Variants in CRTC3 observed in about 807,000 individuals in gnomAD.
CRTC3 encodes CREB-regulated transcription coactivator 3.
Under a neutral mutation model 74.5 loss-of-function variants are expected in CRTC3, and 26 were observed. The ratio of observed to expected loss-of-function variants is 0.35; its 90% CI spans 0.26 to 0.48. CRTC3 has a LOEUF of 0.48. Among genes scored for constraint, CRTC3 ranks in the 20% least tolerant of loss-of-function variants. The pLI is 0.99. For missense variants in CRTC3, 760 were observed against 787.3 expected (o/e 0.97, Z 0.41); for synonymous variants, 377 against 325.8 (o/e 1.16, Z -1.69).
chr15:90,556,987 T>TATATATATATATATATAC (rs1966904879), intron 2 of CRTC3, among the ~76,000 whole-genome samples: 1 of 144,410 alleles, frequency 6.9e-6, no homozygotes, highest in Non-Finnish European at 1.5e-5. Context: ...TATATATATA[T>TATATATATATATATATAC]ATATATATAT....
At chr15:90,639,669 T>G (rs2151098346) in intron 13 of CRTC3, among the ~76,000 whole-genome samples, 1 of 151,098 alleles carries the variant, frequency 6.6e-6, no homozygotes, top group East Asian at 2.0e-4. Context: ...AGGCTAATCT[T>G]GAACTCCGGA....
chr15:90,578,547 C>T (rs1967461918), intron 2 of CRTC3, among the ~76,000 whole-genome samples: 1 of 151,232 alleles, frequency 6.6e-6, no homozygotes, highest in Non-Finnish European at 1.5e-5. Flanking sequence ...GAGCGAGACT[C>T]CATCTCAAAA....
At chr15:90,535,161 C>CAA (rs34328900) in intron 1 of CRTC3, among the ~76,000 whole-genome samples, 14 of 128,416 alleles carry the variant, frequency 1.1e-4, no homozygotes, top group East Asian at 7.8e-4. Context: ...AACTCCGTCT[C>CAA]AAAAAAAAAA....
chr15:90,613,542 T>G (rs1189298630), intron 6 of CRTC3: 1 of 152,316 alleles, frequency 6.6e-6, no homozygotes, highest in Non-Finnish European at 1.5e-5. Context: ...CGGCCCCACC[T>G]AGCACTTAAT....
At chr15:90,632,893 C>A (rs1969092079) in intron 11 of CRTC3, among the ~76,000 whole-genome samples, 1 of 152,190 alleles carries the variant, frequency 6.6e-6, no homozygotes, top group African/African-American at 2.4e-5. Context: ...CATGAGCCAC[C>A]TCACCCAGCC....
At chr15:90,591,632 A>G (rs757858536) in intron 2 of CRTC3, among the ~76,000 whole-genome samples, 6 of 152,112 alleles carry the variant, frequency 3.9e-5, no homozygotes, top group Non-Finnish European at 8.8e-5. Flanking sequence ...GTCTGGCCAA[A>G]ATGGCGAGAC....
chr15:90,579,257 G>C (rs888521195), intron 2 of CRTC3, among the ~76,000 whole-genome samples: 8 of 152,164 alleles, frequency 5.3e-5, no homozygotes, highest in Admixed American at 4.6e-4. Context: ...TCAGGGATTT[G>C]AGTATGCATA....
At chr15:90,543,233 A>C (rs1265859497) in intron 2 of CRTC3, among the ~76,000 whole-genome samples, 1 of 149,254 alleles carries the variant, frequency 6.7e-6, no homozygotes, top group Non-Finnish European at 1.5e-5. Context: ...TCCAGAGAGC[A>C]GAGATTTCAG....
intron 2 of CRTC3, among the ~76,000 whole-genome samples, chr15:90,592,911 G>C (rs1967835074): frequency 1.3e-5 from 2 of 152,164 alleles, no homozygotes; most frequent in South Asian, 4.1e-4. Context: ...CCAGCACTTT[G>C]GGAGGCTGAG....
chr15:90,531,534 A>G (rs1251643810), intron 1 of CRTC3, among the ~76,000 whole-genome samples: 4 of 152,224 alleles, frequency 2.6e-5, no homozygotes, highest in African/African-American at 9.7e-5. Context: ...TTCTGTTCAC[A>G]TTGAGAAAAA....
chr15:90,627,740 G>A (rs12907486), intron 10 of CRTC3, among the ~76,000 whole-genome samples: 1 of 149,598 alleles, frequency 6.7e-6, no homozygotes, highest in African/African-American at 2.5e-5. Flanking sequence ...TCCTGCCTCA[G>A]CCTCCCCAGT....
intron 6 of CRTC3, 113 bp downstream of exon 6, chr15:90,607,591 A>G: frequency 1.5e-6 from 1 of 664,950 alleles, no homozygotes; most frequent in Non-Finnish European, 2.6e-6. Context: ...GTGATCTTAG[A>G]GAGGCAGCTC....
At chr15:90,608,044 C>T (rs4261511) in intron 6 of CRTC3, among the ~76,000 whole-genome samples, 2 of 151,824 alleles carry the variant, frequency 1.3e-5, no homozygotes, top group Non-Finnish European at 2.9e-5. Flanking sequence ...AGGCAAGCCT[C>T]GGGGAGGGAG....
At chr15:90,605,419 T>C (rs1968190724) in intron 5 of CRTC3, among the ~76,000 whole-genome samples, 1 of 152,200 alleles carries the variant, frequency 6.6e-6, no homozygotes, top group African/African-American at 2.4e-5. Context: ...AGTATAGTAT[T>C]GTACCTTGAA....
chr15:90,634,345 C>T lies in CRTC3; in HGVS notation c.1267-4101C>T, dbSNP rs534491187. ...GCCAGGCTGGTTTCAAACTCCTGAC[C>T]TCAGGTGATCCACCCACCTCAGCCT... On this transcript the variant is annotated intron_variant, in intron 11 of 14. Coordinates refer to ENST00000268184, the MANE Select transcript of CRTC3 (RefSeq NM_022769.5). 3.0e-4 allele frequency among the ~76,000 whole-genome samples: 45 copies of T among 152,246 alleles called. No homozygotes were observed. In the East Asian group the frequency reaches 5.0e-3, roughly 17 times the overall value.
chr15:90,562,329 A>G (rs1177857530), intron 2 of CRTC3, among the ~76,000 whole-genome samples: 1 of 152,334 alleles, frequency 6.6e-6, no homozygotes, highest in East Asian at 1.9e-4. Flanking sequence ...CTTCTGAGAT[A>G]GGCATTATCA....
intron 2 of CRTC3, among the ~76,000 whole-genome samples, chr15:90,578,427 A>ATCC (rs1401871988): frequency 6.6e-6 from 1 of 151,946 alleles, no homozygotes; most frequent in African/African-American, 2.4e-5. Flanking sequence ...TACACCTGTA[A>ATCC]TCCCAGCTAC....
intron 2 of CRTC3, among the ~76,000 whole-genome samples, chr15:90,575,882 A>T (rs76969999): frequency 6.6e-6 from 1 of 152,314 alleles, no homozygotes; most frequent in African/African-American, 2.4e-5. Flanking sequence ...GAACTTTAAA[A>T]TCGGCTTGTT....
At chr15:90,638,228 A>T (rs1969308959) in intron 11 of CRTC3, 1 of 496,012 alleles carries the variant, frequency 2.0e-6, no homozygotes, top group Non-Finnish European at 3.6e-6. Flanking sequence ...AGTTCTTTTA[A>T]GACAATAGAA....
Sources: gnomAD v4.1 joint callset for allele counts (sites outside exome capture counted in the v4.1 genomes callset) on GRCh38, gnomAD v4.1.1 for gene constraint, MANE v1.5 for transcripts, NCBI Gene and HGNC (gene_info 2026-07-23, HGNC 2026-07-21) for gene names.